Variants in KIF13A observed in about 807,000 individuals in gnomAD.
KIF13A encodes kinesin family member 13A, also known as kinesin-like protein KIF13A.
In KIF13A, 79 loss-of-function variants were observed where a neutral mutation model predicts 212.2. That is an observed-to-expected ratio of 0.37 (90% CI 0.31 to 0.45). The LOEUF is 0.45. Ranked by LOEUF, KIF13A falls within the 20% of genes least tolerant of loss-of-function variation. KIF13A has a pLI of 1.00. For missense variants in KIF13A, 1,901 were observed against 2,209.0 expected, an observed-to-expected ratio of 0.86 and a Z score of 2.79; for synonymous variants, 789 against 808.6, an observed-to-expected ratio of 0.98 and a Z score of 0.41.
At chr6:17,814,392 G>A (rs1033632120) in intron 17 of KIF13A, among the ~76,000 whole-genome samples, 15 of 151,654 alleles carry the variant, frequency 9.9e-5, no homozygotes, top group South Asian at 2.1e-4. Flanking sequence ...GGGATTATAG[G>A]TGCCCACGAC....
At position 17,794,514 on chromosome 6, in the gene KIF13A, T is replaced by A; in HGVS notation, c.3075+58A>T. On this transcript the variant is annotated intron_variant, in intron 24 of 38. Transcript: ENST00000259711. This position sits in a 1 kb window ranked among gnomAD's most constrained non-coding sequence, Gnocchi z 4.1. ...ATAGTTAGAAAATCCCCAGAAACAA[T>A]GTGTAAGAGTGGAACAGAGAGAAAA... The A allele has an allele frequency of 6.4e-7, 1 of 1,564,934 alleles. No homozygotes were observed. The highest frequency in any genetic ancestry group is 8.6e-7 in the Non-Finnish European group (1 of 1,156,796).
intron 2 of KIF13A, among the ~76,000 whole-genome samples, chr6:17,969,039 A>G (rs575344272): frequency 6.6e-6 from 1 of 152,308 alleles, no homozygotes; most frequent in African/African-American, 2.4e-5. Context: ...GGGACCACAC[A>G]CCACCTCTGG....
In KIF13A at chr6:17,781,165, G is replaced by A; in HGVS notation, c.3669+12C>T. The A allele has an allele frequency of 6.2e-7, 1 of 1,613,844 alleles. No homozygotes were observed. The highest frequency in any genetic ancestry group is 8.5e-7 in the Non-Finnish European group (1 of 1,179,848). On this transcript the variant is annotated intron_variant, in intron 30 of 38. Transcript: ENST00000259711. ...TCTGAAGCCTTTTAAGAGAAACTTG[G>A]GGGTTAATTACCTCATCATCACTGT...
intron 3 of KIF13A, among the ~76,000 whole-genome samples, chr6:17,894,622 C>G (rs371852413): frequency 5.3e-5 from 8 of 152,064 alleles, no homozygotes; most frequent in African/African-American, 1.7e-4. Context: ...CAATTATTAA[C>G]ATCTTTATTA....
intron 2 of KIF13A, among the ~76,000 whole-genome samples, chr6:17,932,097 A>C (rs969117862): frequency 1.3e-5 from 2 of 152,160 alleles, no homozygotes; most frequent in African/African-American, 2.4e-5. Context: ...TGTTTTAATA[A>C]GCCCTCCAGG....
intron 2 of KIF13A, among the ~76,000 whole-genome samples, chr6:17,913,621 A>G (rs1774257791): frequency 1.3e-5 from 2 of 152,108 alleles, no homozygotes; most frequent in South Asian, 4.1e-4. Context: ...TTCTCAACTC[A>G]AAGGATGCAT....
chr6:17,828,213 CGTGAA>C lies in KIF13A; in HGVS notation c.1532+22_1532+26del. The stretch of plus-strand genomic sequence containing the variant: ...TTCTGAAAATAAGGCACACAAGACA[CGTGAA>C]GTCACCATTTACTTTTCTTACCTTG... On this transcript the variant is annotated intron_variant, in intron 14 of 38. Coordinates refer to ENST00000259711, the MANE Select transcript of KIF13A (RefSeq NM_022113.6). This position sits in a 1 kb window ranked among gnomAD's most constrained non-coding sequence, Gnocchi z 4.3. 1 of 1,604,542 alleles carries C rather than the reference CGTGAA, an allele frequency of 6.2e-7. No individual in the cohort carries two copies. The highest frequency in any genetic ancestry group is 1.3e-5 in the African/African-American group (1 of 74,892).
At chr6:17,952,912 A>C (rs1201295572) in intron 2 of KIF13A, among the ~76,000 whole-genome samples, 1 of 140,608 alleles carries the variant, frequency 7.1e-6, no homozygotes, top group Non-Finnish European at 1.5e-5. Context: ...CCTGGGCGAC[A>C]GAGCAAGACT....
At chr6:17,832,702 G>T (rs958931020) in intron 12 of KIF13A, among the ~76,000 whole-genome samples, 1 of 151,656 alleles carries the variant, frequency 6.6e-6, no homozygotes, top group Non-Finnish European at 1.5e-5. Flanking sequence ...CTCATGCTTT[G>T]CCAGGTGATC....
intron 16 of KIF13A, chr6:17,821,974 T>C (rs1394398048): frequency 1.3e-6 from 2 of 1,510,040 alleles, no homozygotes; most frequent in Non-Finnish European, 1.8e-6. Flanking sequence ...CATCAGAGAC[T>C]GTGTGTATGC....
chr6:17,969,003 T>C (rs1561817523), intron 2 of KIF13A, among the ~76,000 whole-genome samples: 1 of 152,132 alleles, frequency 6.6e-6, no homozygotes, highest in Non-Finnish European at 1.5e-5. Context: ...TACATCAGGT[T>C]GGTGTAGGGT....
At position 17,937,593 on chromosome 6, in the gene KIF13A, T is replaced by C. The variant is rs149140744; in HGVS notation, c.147-39413A>G. The stretch of plus-strand genomic sequence containing the variant: ...CATTGAAGTGATTTATTTGAGGTCT[T>C]TGCTAAGTGAAATTATAGTTTTATA... On this transcript the variant is annotated intron_variant, in intron 2 of 38. Coordinates refer to ENST00000259711, the MANE Select transcript of KIF13A (RefSeq NM_022113.6). Among the ~76,000 whole-genome samples the C allele has an allele frequency of 5.6e-3, 850 of 152,292 alleles. 5 individuals carry two copies. Among genetic ancestry groups the C allele is most frequent in the Non-Finnish European group, 7.9e-3 (539 of 68,026 alleles).
rs920364374 is a variant in KIF13A, at chr6:17,856,610, G to A, written c.221-488C>T. 1.8e-4 allele frequency among the ~76,000 whole-genome samples: 27 copies of A among 152,200 alleles called. No homozygotes were observed. Among genetic ancestry groups the A allele is most frequent in the African/African-American group, 6.5e-4 (27 of 41,448 alleles). Reference sequence around the variant, plus strand: ...GGATGGATTGACAACTTCAGCTGCTGTTTGTAGATTCACAGGCACCCGTCA... The same window carrying A: ...GGATGGATTGACAACTTCAGCTGCTATTTGTAGATTCACAGGCACCCGTCA... On this transcript the variant is annotated intron_variant, in intron 4 of 38. Transcript: ENST00000259711. The surrounding 1 kb of genome is among the most constrained non-coding windows in gnomAD (Gnocchi z 4.5).
rs765993037 is a variant in KIF13A, at chr6:17,836,885, T to C, written c.1148A>G (p.Gln383Arg). The change falls in exon 11 of 39, where the codon CAG (glutamine) becomes CGG (arginine). Residue 383 changes from glutamine (Q) to arginine (R), a missense_variant. Around this residue, in one of 5 missense-constraint regions of KIF13A, gnomAD observed 506 missense variants for 637.4 expected, o/e 0.79. Transcript: ENST00000259711. ...EVEKLREQLS[Q>R]AEAMKAPELK... ...GTACCAGGCTGCTTTTACCTCTGCC[T>C]GAGAGAGCTGCTCTCTCAGTTTCTC... is the stretch of plus-strand genomic sequence containing the variant. 2 of 1,613,792 alleles carry C rather than the reference T, an allele frequency of 1.2e-6. No homozygotes were observed. Among genetic ancestry groups the C allele is most frequent in the Non-Finnish European group, 1.7e-6 (2 of 1,179,736 alleles).
intron 2 of KIF13A, among the ~76,000 whole-genome samples, chr6:17,972,319 TTTAA>T (rs985989724): frequency 1.3e-5 from 2 of 152,194 alleles, no homozygotes; most frequent in African/African-American, 2.4e-5. Context: ...AATACTAAAC[TTTAA>T]TTAACTGTAT....
chr6:17,986,894 G>A (rs777438094), intron 2 of KIF13A, among the ~76,000 whole-genome samples, 160 bp downstream of exon 2: 15 of 152,242 alleles, frequency 9.9e-5, no homozygotes, highest in Non-Finnish European at 1.8e-4. Flanking sequence ...GGCGAGGGAG[G>A]AGAGGAACTT....
intron 6 of KIF13A, among the ~76,000 whole-genome samples, chr6:17,854,667 T>C (rs1161940778): frequency 6.9e-6 from 1 of 145,974 alleles, no homozygotes; most frequent in Non-Finnish European, 1.5e-5. Flanking sequence ...GTGATTCTCC[T>C]GCAGCCTCTC....
chr6:17,781,113 A>G (rs1009857722), intron 30 of KIF13A, 64 bp downstream of exon 30: 3 of 1,592,104 alleles, frequency 1.9e-6, no homozygotes, highest in Non-Finnish European at 2.6e-6. Context: ...CAGTTTAGTG[A>G]GCAGGCCCAC....
In KIF13A at chr6:17,826,060, A is replaced by T; in HGVS notation, c.1597T>A (p.Trp533Arg). ...TACCTAAAAAAGTGATTATTTCCCC[A>T]TAGGATTCGGTCACCATGCCACAGC... is the stretch of plus-strand genomic sequence containing the variant. ...TQLWHGDRILWGNNHFFRINL... is the reference protein window; with the variant it reads ...TQLWHGDRILRGNNHFFRINL... The change falls in exon 15 of 39, where the codon TGG becomes AGG. Residue 533 changes from tryptophan (W) to arginine (R), a missense_variant. Trp to Arg is a moderately radical substitution (Grantham distance 101, BLOSUM62 -3). Transcript: ENST00000259711. This position sits in a 1 kb window ranked among gnomAD's most constrained non-coding sequence, Gnocchi z 4.7. 1 of 1,613,984 alleles carries T rather than the reference A, an allele frequency of 6.2e-7. No homozygotes were observed. Among genetic ancestry groups the T allele is most frequent in the Non-Finnish European group, 8.5e-7 (1 of 1,179,876 alleles).
Sources: allele counts gnomAD v4.1 joint callset (sites outside exome capture counted in the v4.1 genomes callset), GRCh38; gene constraint gnomAD v4.1.1; regional missense constraint gnomAD v4.1.1; non-coding constraint Gnocchi (gnomAD v3.1); transcripts MANE v1.5; gene names NCBI Gene and HGNC (gene_info 2026-07-23, HGNC 2026-07-21).